The following SAMD5 variants were observed in gnomAD, a reference collection of about 807,000 sequenced individuals.
The protein encoded by SAMD5 is sterile alpha motif domain containing 5.
SAMD5 carries 13 observed loss-of-function variants against 11.3 expected under a neutral mutation model. The observed-to-expected ratio is 1.15, with a 90% CI of 0.75 to 1.83. SAMD5 has a LOEUF of 1.83. Among genes scored for constraint, SAMD5 ranks in the 40% most tolerant of loss-of-function variants. SAMD5 has a pLI of 0.00. For synonymous variants in SAMD5, 129 were observed against 111.3 expected (o/e 1.16, Z -1.00); for missense variants, 255 against 239.1 (o/e 1.07, Z -0.44).
At chr6:147,561,127 G>T (rs1788941075) in intron 1 of SAMD5, among the ~76,000 whole-genome samples, 1 of 152,116 alleles carries the variant, frequency 6.6e-6, no homozygotes, top group Admixed American at 6.5e-5. Context: ...AAAATGTTAG[G>T]GGTGTTAAGA....
rs373075163 is a variant in SAMD5 at position 147,509,285 on chromosome 6, C to T, written c.357C>T (p.Ser119=). The T allele has an allele frequency of 7.7e-6, 12 of 1,565,762 alleles. No homozygotes were observed. Among genetic ancestry groups the T allele is most frequent in the South Asian group, 1.2e-5 (1 of 85,394 alleles). The stretch of plus-strand genomic sequence containing the variant: ...GCGGCCACACGACCGCCCCCCGCAG[C>T]AGGGAGCTGGTGAGCTACCCCAAAC... The part of the protein sequence containing the change: ...DSRGHTTAPR[S]RELVSYPKLK... The change falls in exon 1 of 2, where the codon AGC becomes AGT. Residue 119 remains serine (S), a synonymous_variant. Transcript: ENST00000367474.
intron 1 of SAMD5, among the ~76,000 whole-genome samples, chr6:147,563,614 C>A (rs1415381289): frequency 6.6e-6 from 1 of 152,182 alleles, no homozygotes; most frequent in African/African-American, 2.4e-5. Flanking sequence ...ATGGGCAGTG[C>A]ACTGTAATCT....
the SAMD5 span, among the ~76,000 whole-genome samples, chr6:147,934,154 G>A: frequency 6.6e-6 from 1 of 152,202 alleles, no homozygotes; most frequent in Non-Finnish European, 1.5e-5. Flanking sequence ...AGGAGGAAAG[G>A]TAAGACACTT....
intron 1 of SAMD5, among the ~76,000 whole-genome samples, chr6:147,598,446 C>T (rs1487089183): frequency 6.6e-6 from 1 of 152,140 alleles, no homozygotes; most frequent in Admixed American, 6.6e-5. Context: ...AATGAAAAAG[C>T]ATGGTTCTCT....
intron 1 of SAMD5, among the ~76,000 whole-genome samples, chr6:147,694,416 T>C (rs1252003030): frequency 6.6e-6 from 1 of 152,232 alleles, no homozygotes; most frequent in African/African-American, 2.4e-5. Flanking sequence ...ATTATGATTT[T>C]GCTCATGGGA....
the SAMD5 span, among the ~76,000 whole-genome samples, chr6:147,893,861 C>T: frequency 1.8e-4 from 28 of 152,222 alleles, 2 homozygotes; most frequent in East Asian, 4.8e-3. Flanking sequence ...CTGGTCTTTT[C>T]TCTAGATGTA....
chr6:147,737,918 A>G (rs931270411), downstream of SAMD5, among the ~76,000 whole-genome samples: 1 of 152,132 alleles, frequency 6.6e-6, no homozygotes, highest in Non-Finnish European at 1.5e-5. Flanking sequence ...ACATACAGAA[A>G]GGAATGTATA....
chr6:147,774,992 GA>G, the SAMD5 span, among the ~76,000 whole-genome samples: 1 of 152,118 alleles, frequency 6.6e-6, no homozygotes, highest in Non-Finnish European at 1.5e-5. Context: ...GGCCCAAAAT[GA>G]AGTCCCTAAA....
rs367925249 is a variant in SAMD5 at position 147,627,330 on chromosome 6, G to A, written c.163-109987G>A. On this transcript the variant is annotated intron_variant, in intron 1 of 1. Coordinates refer to the SAMD5 transcript ENST00000566741. ...GTGATGGCTTTAGAGGACCGGGGTG[G>A]TGTGGCACCTGAGAGATAAACATTT... Among the ~76,000 whole-genome samples, 21 of 152,282 alleles carry A rather than the reference G, an allele frequency of 1.4e-4. No individual in the cohort carries two copies. The East Asian group carries it at 3.5e-3, about 25-fold the overall frequency.
At chr6:147,648,822 C>T (rs1393151061) in intron 1 of SAMD5, among the ~76,000 whole-genome samples, 1 of 152,178 alleles carries the variant, frequency 6.6e-6, no homozygotes, top group Non-Finnish European at 1.5e-5. Flanking sequence ...TTAACTTCTG[C>T]ATTTATGTAC....
At chr6:147,894,269 G>A in the SAMD5 span, among the ~76,000 whole-genome samples, 17 of 151,812 alleles carry the variant, frequency 1.1e-4, no homozygotes, top group Admixed American at 8.5e-4. Flanking sequence ...GACTACAGGC[G>A]CACGCCACCA....
chr6:147,896,363 G>A, the SAMD5 span, among the ~76,000 whole-genome samples: 3 of 152,064 alleles, frequency 2.0e-5, no homozygotes, highest in East Asian at 3.9e-4. Context: ...ACTCTGAGCT[G>A]GGGCTGGGGC....
the SAMD5 span, among the ~76,000 whole-genome samples, chr6:147,771,353 T>C: frequency 1.3e-5 from 2 of 152,300 alleles, no homozygotes; most frequent in South Asian, 4.2e-4. Context: ...ATGGTTGCAG[T>C]TGTGGTTCCT....
intron 1 of SAMD5, among the ~76,000 whole-genome samples, chr6:147,542,675 C>T (rs2128442174): frequency 6.6e-6 from 1 of 152,246 alleles, no homozygotes; most frequent in East Asian, 1.9e-4. Flanking sequence ...GCTGATCCGT[C>T]AAGGGCAGGG....
At chr6:147,686,963 A>T (rs569613228) in intron 1 of SAMD5, among the ~76,000 whole-genome samples, 10 of 152,118 alleles carry the variant, frequency 6.6e-5, no homozygotes, top group African/African-American at 1.9e-4. Flanking sequence ...TATTCTTTAC[A>T]ATATTTTTGG....
chr6:147,818,223 T>C, the SAMD5 span, among the ~76,000 whole-genome samples: 24 of 152,304 alleles, frequency 1.6e-4, no homozygotes, highest in African/African-American at 5.8e-4. Flanking sequence ...TCATGCCATA[T>C]AGAATTGAAC....
chr6:147,747,091 A>G, the SAMD5 span, among the ~76,000 whole-genome samples: 1 of 152,210 alleles, frequency 6.6e-6, no homozygotes, highest in Non-Finnish European at 1.5e-5. Flanking sequence ...ACTAAAGGTG[A>G]TGTCAAGTTT....
Position 147,566,099 on chromosome 6 carries a change from C to T in SAMD5, c.*1643C>T, listed in dbSNP as rs1480206842. 2 of 981,552 alleles carry T rather than the reference C, an allele frequency of 2.0e-6. No individual in the cohort carries two copies. Among genetic ancestry groups the T allele is most frequent in the Non-Finnish European group, 2.4e-6 (2 of 826,540 alleles). The allele number at this position is 981,552 out of a possible 1,614,324, so 60.8% of individuals were successfully genotyped here. ...TTCTAAGGACAATTTTAACACAATA[C>T]TGCTTTAAAAATCTGAAGTTTAAAT... On this transcript the variant is annotated 3_prime_UTR_variant, in exon 2 of 2. Coordinates refer to ENST00000367474, the MANE Select transcript of SAMD5 (RefSeq NM_001030060.3).
chr6:147,890,898 A>G, the SAMD5 span, among the ~76,000 whole-genome samples: 1 of 152,202 alleles, frequency 6.6e-6, no homozygotes, highest in Non-Finnish European at 1.5e-5. Flanking sequence ...ATAAAATTGG[A>G]AACAACCTAA....
Sources: gnomAD v4.1 joint callset for allele counts (sites outside exome capture counted in the v4.1 genomes callset) on GRCh38, gnomAD v4.1.1 for gene constraint, MANE v1.5 for transcripts, NCBI Gene and HGNC (gene_info 2026-07-23, HGNC 2026-07-21) for gene names.